The following ZIC5 variants were observed in gnomAD, a reference collection of about 807,000 sequenced individuals.
ZIC5 encodes the protein Zic family zinc finger 5, also known as zinc finger protein ZIC 5.
ZIC5 carries 20 observed loss-of-function variants against 28.5 expected under a neutral mutation model. The ratio of observed to expected loss-of-function variants is 0.70; its 90% CI spans 0.49 to 1.02. ZIC5 has a LOEUF of 1.02. ZIC5 is among the 50% of genes least tolerant of loss of function. ZIC5 has a pLI of 0.00. For missense variants in ZIC5, 951 were observed against 899.7 expected (o/e 1.06, Z -0.73); for synonymous variants, 488 against 410.4 (o/e 1.19, Z -2.29).
At chr13:99,968,065 T>G (rs1342232443) in intron 1 of ZIC5, among the ~76,000 whole-genome samples, 1 of 152,154 alleles carries the variant, frequency 6.6e-6, no homozygotes, top group Non-Finnish European at 1.5e-5. Flanking sequence ...TAAACGGGAC[T>G]GGGGGCACGT....
chr13:99,969,980 T>G (rs1031809925), intron 1 of ZIC5, 147 bp downstream of exon 1: 3 of 1,239,728 alleles, frequency 2.4e-6, no homozygotes, highest in African/African-American at 3.1e-5. Flanking sequence ...AGAAGTCACA[T>G]GTCCGGGTTA....
Position 99,971,345 on chromosome 13 carries a change from A to G in ZIC5, c.259T>C (p.Phe87Leu). 7.1e-7 allele frequency: 1 copy of G among 1,410,678 alleles called. No individual in the cohort carries two copies. The highest frequency in any genetic ancestry group is 9.1e-7 in the Non-Finnish European group (1 of 1,094,414). The allele number at this position is 1,410,678 out of a possible 1,614,324, so 87.4% of individuals were successfully genotyped here. ...TLGLSPPSQA[F>L]PAHPEAPAAA... ...GCCGGAGCCTCCGGGTGTGCCGGGA[A>G]CGCCTGGGAGGGAGGGCTGAGGCCC... The change falls in exon 1 of 2, where the codon TTC becomes CTC. Residue 87 changes from phenylalanine to leucine, a missense_variant. By Grantham distance (22) the Phe-to-Leu change is conservative. Coordinates refer to ENST00000267294, the MANE Select transcript of ZIC5 (RefSeq NM_033132.5).
chr13:99,968,880 C>T (rs2152155140), intron 1 of ZIC5, among the ~76,000 whole-genome samples: 1 of 152,284 alleles, frequency 6.6e-6, no homozygotes, highest in South Asian at 2.1e-4. Flanking sequence ...AGCCAAGGCT[C>T]CCGCCTCGGG....
chr13:99,971,600 C>G lies in ZIC5; in HGVS notation c.4G>C (p.Glu2Gln). Residue 2 changes from glutamate (E) to glutamine (Q), a missense_variant, in exon 1 of 2, where the codon GAG becomes CAG. By Grantham distance (29) the Glu-to-Gln change is conservative (BLOSUM62 2). Coordinates refer to ENST00000267294, the MANE Select transcript of ZIC5 (RefSeq NM_033132.5). M[E>Q]PPLSKRNPPA... ...GGGTTCCTCTTGCTCAAAGGGGGCT[C>G]CATCAGAACTACACAATCAGGCCCA... 6.4e-7 allele frequency: 1 copy of G among 1,556,850 alleles called. No homozygotes were observed. Among genetic ancestry groups the G allele is most frequent in the Non-Finnish European group, 8.7e-7 (1 of 1,149,324 alleles).
intron 1 of ZIC5, among the ~76,000 whole-genome samples, chr13:99,967,905 T>C (rs2053112157): frequency 1.3e-5 from 2 of 152,246 alleles, no homozygotes; most frequent in Admixed American, 1.3e-4. Context: ...ACATTTAAGA[T>C]TCTGATAGAC....
rs572586426 is a variant in ZIC5, at chr13:99,965,303, G to A, written c.*74C>T. On this transcript the variant is annotated 3_prime_UTR_variant, in exon 2 of 2. Coordinates refer to ENST00000267294, the MANE Select transcript of ZIC5 (RefSeq NM_033132.5). ...TGAGTCACGGGTTTGTCTCAGGCTC[G>A]GCATTGTCTCAGGTTAGGATGTGGT... The A allele has an allele frequency of 4.5e-4, 648 of 1,433,366 alleles. No homozygotes were observed. Among genetic ancestry groups the A allele is most frequent in the Non-Finnish European group, 5.9e-4 (628 of 1,064,974 alleles). The allele number at this position is 1,433,366 out of a possible 1,614,324, so 88.8% of individuals were successfully genotyped here.
At chr13:99,968,305 G>T (rs2053116134) in intron 1 of ZIC5, among the ~76,000 whole-genome samples, 1 of 152,166 alleles carries the variant, frequency 6.6e-6, no homozygotes, top group African/African-American at 2.4e-5. Flanking sequence ...CCTCCCGCAG[G>T]GACCCCCACG....
chr13:99,967,254 C>CA (rs1201019790), intron 1 of ZIC5, among the ~76,000 whole-genome samples: 1 of 152,198 alleles, frequency 6.6e-6, no homozygotes, highest in Non-Finnish European at 1.5e-5. Context: ...TGAGAGTATT[C>CA]AGGCAGATGC....
Position 99,970,716 on chromosome 13 carries a change from CGCTGCGGCCGCA to C in ZIC5, c.876_887del (p.Ala296_Ala299del). ...CTCCGTAGCCGTGCAGGGCGGCCGC[CGCTGCGGCCGCA>C]ACCGCCCCGTAGTGCGCGTCCCCAG... On this transcript the variant is annotated inframe_deletion, in exon 1 of 2. Transcript: ENST00000267294. The C allele has an allele frequency of 8.4e-7, 1 of 1,191,904 alleles. No homozygotes were observed. The highest frequency in any genetic ancestry group is 1.0e-6 in the Non-Finnish European group (1 of 959,076). 73.8% of individuals were successfully genotyped at this position (1,191,904 alleles called of 1,614,324 possible).
intron 1 of ZIC5, among the ~76,000 whole-genome samples, chr13:99,969,462 G>A (rs966321524): frequency 2.0e-5 from 3 of 147,706 alleles, no homozygotes; most frequent in Admixed American, 6.8e-5. Flanking sequence ...ATATGAGTGT[G>A]TAAAGTTGTG....
rs2053075311 is a variant in ZIC5 at position 99,963,802 on chromosome 13, T to A, written c.*1575A>T. Reference sequence around the variant, plus strand: ...ATGTCTGAAAATAAATTAATTCAACTGTACAAATAATAGTGTTCACATACA... The same window carrying A: ...ATGTCTGAAAATAAATTAATTCAACAGTACAAATAATAGTGTTCACATACA... On this transcript the variant is annotated 3_prime_UTR_variant, in exon 2 of 2. Coordinates refer to ENST00000267294, the MANE Select transcript of ZIC5 (RefSeq NM_033132.5). 1 of 150,428 alleles carries A rather than the reference T, an allele frequency of 6.6e-6. No homozygotes were observed. The allele number at this position is 150,428 out of a possible 1,614,324, so 9.3% of individuals were successfully genotyped here. A position where few individuals can be genotyped will look rare whatever the true frequency, so the allele number is the denominator to read the frequency against.
rs1398314602 is a variant in ZIC5, at chr13:99,965,562, G to C, written c.1735C>G (p.Leu579Val). The change falls in exon 2 of 2, where the codon CTG becomes GTG. Residue 579 changes from leucine (L) to valine (V), a missense_variant. By Grantham distance (32) the Leu-to-Val change is conservative. Coordinates refer to ENST00000267294, the MANE Select transcript of ZIC5 (RefSeq NM_033132.5). ...CTGGAGTGACTCCTGGCTGGGTCCA[G>C]CACAGGGGACAAGGGGGCGCCCACT... ...TPVGAPLSPV[L>V]DPARSHSSTL... is the part of the protein sequence containing the mutation. 7 of 1,613,618 alleles carry C rather than the reference G, an allele frequency of 4.3e-6. No homozygotes were observed. Among genetic ancestry groups the C allele is most frequent in the Non-Finnish European group, 5.9e-6 (7 of 1,179,780 alleles).
Position 99,964,515 on chromosome 13 carries a change from G to GA in ZIC5, c.*861dup, listed in dbSNP as rs2053081770. The GA allele has an allele frequency of 6.6e-6, 1 of 151,654 alleles. No individual in the cohort carries two copies. Among genetic ancestry groups the GA allele is most frequent in the African/African-American group, 2.4e-5 (1 of 41,230 alleles). 9.4% of individuals were successfully genotyped at this position (151,654 alleles called of 1,614,324 possible). On this transcript the variant is annotated 3_prime_UTR_variant, in exon 2 of 2. Transcript: ENST00000267294. ...AAAAAAAAAAAACATATAGGAAAAA[G>GA]AAAGCACTTGAATTTCTTCTATTTT...
At position 99,971,286 on chromosome 13, in the gene ZIC5, G is replaced by A. The variant is rs1566399471; in HGVS notation, c.318C>T (p.His106=). ...CGCAGGGGTAGCTGCCCGCGCCGGG[G>A]TGCGCGACCAAGGCTGCAGCACGGG... ...AAARAAALVA[H]PGAGSYPCGG... is the part of the protein sequence containing the mutation. Residue 106 remains histidine (H), a synonymous_variant, in exon 1 of 2, where the codon CAC becomes CAT. Transcript: ENST00000267294. The A allele has an allele frequency of 7.4e-7, 1 of 1,347,498 alleles. No homozygotes were observed. The allele number at this position is 1,347,498 out of a possible 1,614,324, so 83.5% of individuals were successfully genotyped here. A position where few individuals can be genotyped will look rare whatever the true frequency, so the allele number is the denominator to read the frequency against.
intron 1 of ZIC5, among the ~76,000 whole-genome samples, chr13:99,969,662 C>A (rs562000474): frequency 1.4e-4 from 21 of 148,962 alleles, no homozygotes; most frequent in African/African-American, 5.1e-4. Flanking sequence ...GGAGACTGCG[C>A]GGGGCCTACG....
chr13:99,967,515 T>C (rs1021086213), intron 1 of ZIC5, among the ~76,000 whole-genome samples: 1 of 152,250 alleles, frequency 6.6e-6, no homozygotes, highest in African/African-American at 2.4e-5. Context: ...CATCATATTC[T>C]TTTTAAGAAA....
chr13:99,964,930 C>T lies in ZIC5; in HGVS notation c.*447G>A, dbSNP rs1253913307. On this transcript the variant is annotated 3_prime_UTR_variant, in exon 2 of 2. Transcript: ENST00000267294. Reference sequence around the variant, plus strand: ...GTGTCAAAGGCATTTGAGAGGCACTCTGGGAAATGCAGAGGGCCTTGGTGC... The same window carrying T: ...GTGTCAAAGGCATTTGAGAGGCACTTTGGGAAATGCAGAGGGCCTTGGTGC... 1 of 151,172 alleles carries T rather than the reference C, an allele frequency of 6.6e-6. No individual in the cohort carries two copies. The highest frequency in any genetic ancestry group is 1.5e-5 in the Non-Finnish European group (1 of 67,862). 9.4% of individuals were successfully genotyped at this position (151,172 alleles called of 1,614,324 possible). A position where few individuals can be genotyped will look rare whatever the true frequency, so the allele number is the denominator to read the frequency against.
At position 99,970,312 on chromosome 13, in the gene ZIC5, T is replaced by G; in HGVS notation, c.1292A>C (p.Gln431Pro). ...CTCCCAGAAGCAGACGTGGCTGCTC[T>G]GCTCGGGGCCTCCCACGTGCTCCAC... is the stretch of plus-strand genomic sequence containing the variant. The part of the protein sequence containing the change: ...VTVEHVGGPE[Q>P]SSHVCFWEDC... The change falls in exon 1 of 2, where the codon CAG (glutamine) becomes CCG (proline). Residue 431 changes from glutamine (Q) to proline (P), a missense_variant. Coordinates refer to ENST00000267294, the MANE Select transcript of ZIC5 (RefSeq NM_033132.5). 6.2e-7 allele frequency: 1 copy of G among 1,612,716 alleles called. No individual in the cohort carries two copies. The highest frequency in any genetic ancestry group is 8.5e-7 in the Non-Finnish European group (1 of 1,179,402).
chr13:99,965,169 A>C lies in ZIC5; in HGVS notation c.*208T>G. On this transcript the variant is annotated 3_prime_UTR_variant, in exon 2 of 2. Coordinates refer to ENST00000267294, the MANE Select transcript of ZIC5 (RefSeq NM_033132.5). ...TTGGTTGTTTTTTGTTTGTTTTTTA[A>C]GAAAAAAAAAAAAAAAAGCCCAAAT... The C allele has an allele frequency of 3.5e-6, 1 of 289,166 alleles. No homozygotes were observed. The highest frequency in any genetic ancestry group is 5.5e-6 in the Non-Finnish European group (1 of 182,630). The allele number at this position is 289,166 out of a possible 1,614,324, so 17.9% of individuals were successfully genotyped here.
Sources: allele counts gnomAD v4.1 joint callset (sites outside exome capture counted in the v4.1 genomes callset), GRCh38; gene constraint gnomAD v4.1.1; transcripts MANE v1.5; gene names NCBI Gene and HGNC (gene_info 2026-07-23, HGNC 2026-07-21).